NET1: variants seen among roughly 807,000 people sequenced by gnomAD.
NET1 encodes neuroepithelial cell-transforming gene 1 protein.
Under a neutral mutation model 61.1 loss-of-function variants are expected in NET1, and 42 were observed. That is an observed-to-expected ratio of 0.69 (90% CI 0.54 to 0.89). The LOEUF (loss-of-function observed/expected upper bound fraction) is 0.89. NET1 is among the 40% of genes least tolerant of loss of function. NET1 has a pLI of 0.00. For missense variants in NET1, 654 were observed against 747.3 expected (o/e 0.88, Z 1.46); for synonymous variants, 254 against 281.8 (o/e 0.90, Z 0.99).
At chr10:5,433,995 T>A in intron 3 of NET1, among the ~76,000 whole-genome samples, 1 of 152,174 alleles carries the variant, frequency 6.6e-6, no homozygotes, top group Admixed American at 6.5e-5. Flanking sequence ...TTTCTGAGTC[T>A]TATGTTTCTT....
Position 5,452,687 on chromosome 10 carries a change from A to G in NET1, c.531+162A>G. 1.1e-6 allele frequency: 1 copy of G among 915,920 alleles called. No individual in the cohort carries two copies. Among genetic ancestry groups the G allele is most frequent in the Non-Finnish European group, 1.6e-6 (1 of 609,674 alleles). The allele number at this position is 915,920 out of a possible 1,614,324, so 56.7% of individuals were successfully genotyped here. On this transcript the variant is annotated intron_variant, in intron 5 of 11. Transcript: ENST00000355029. This position sits in a 1 kb window ranked among gnomAD's most constrained non-coding sequence, Gnocchi z 4.0. Reference sequence around the variant, plus strand: ...AAATTAAACAACTCTAATAGGGTAAACTTACCAAACATACGGCAACCTTGT... The same window carrying G: ...AAATTAAACAACTCTAATAGGGTAAGCTTACCAAACATACGGCAACCTTGT...
At position 5,420,573 on chromosome 10, in the gene NET1, G is replaced by T. The variant is rs1340986864; in HGVS notation, c.129-6082G>T. The stretch of plus-strand genomic sequence containing the variant: ...CTCACCTCCCAGTTCTGGGTAGTAG[G>T]CAAAGGTCTTTCTTTTTTATTTTAT... On this transcript the variant is annotated intron_variant, in intron 1 of 11. Transcript: ENST00000355029. The surrounding 1 kb of genome is among the most constrained non-coding windows in gnomAD (Gnocchi z 5.3). Among the ~76,000 whole-genome samples the T allele has an allele frequency of 6.6e-6, 1 of 152,026 alleles. No homozygotes were observed. The highest frequency in any genetic ancestry group is 1.5e-5 in the Non-Finnish European group (1 of 67,954).
At chr10:5,445,065 T>C (rs895842221) in intron 3 of NET1, among the ~76,000 whole-genome samples, 3 of 152,374 alleles carry the variant, frequency 2.0e-5, no homozygotes, top group Admixed American at 1.3e-4. Context: ...TTTTCAGTCA[T>C]CTTTCAACCA....
intron 3 of NET1, among the ~76,000 whole-genome samples, chr10:5,430,875 CTTT>C (rs71294427): frequency 5.4e-4 from 75 of 137,678 alleles, no homozygotes; most frequent in Middle Eastern, 3.8e-3. Context: ...AACTATATCT[CTTT>C]TTTTTTTTTT....
chr10:5,434,288 C>A lies in NET1; in HGVS notation c.255+5059C>A, dbSNP rs542854800. On this transcript the variant is annotated intron_variant, in intron 3 of 11. Coordinates refer to ENST00000355029, the MANE Select transcript of NET1 (RefSeq NM_001047160.3). Reference sequence around the variant, plus strand: ...TGCTCCCTTTCTCTTTTATCTGGAACTTTTCTTGTCTTTGCTTCTGTTGCC... The same window carrying A: ...TGCTCCCTTTCTCTTTTATCTGGAAATTTTCTTGTCTTTGCTTCTGTTGCC... Among the ~76,000 whole-genome samples, 9 of 152,288 alleles carry A rather than the reference C, an allele frequency of 5.9e-5. No homozygotes were observed. In the East Asian group the frequency reaches 9.6e-4, roughly 16 times the overall value.
Position 5,426,771 on chromosome 10 carries a change from C to G in NET1, c.195+50C>G, listed in dbSNP as rs898199406. The G allele has an allele frequency of 7.5e-7, 1 of 1,333,608 alleles. No individual in the cohort carries two copies. The highest frequency in any genetic ancestry group is 2.1e-5 in the Admixed American group (1 of 46,708). 82.6% of individuals were successfully genotyped at this position (1,333,608 alleles called of 1,614,324 possible). A position where few individuals can be genotyped will look rare whatever the true frequency, so the allele number is the denominator to read the frequency against. ...TTCGAGACATTAGATAGAATTAATTCCCTGGTTTCTTTCAGTCTGTTACAC... is the reference window on the plus strand; with the variant it reads ...TTCGAGACATTAGATAGAATTAATTGCCTGGTTTCTTTCAGTCTGTTACAC... On this transcript the variant is annotated intron_variant, in intron 2 of 11. Transcript: ENST00000355029. This position sits in a 1 kb window ranked among gnomAD's most constrained non-coding sequence, Gnocchi z 4.6.
Position 5,452,222 on chromosome 10 carries a change from T to G in NET1, c.364-136T>G, listed in dbSNP as rs1832715972. 8.1e-6 allele frequency: 7 copies of G among 863,380 alleles called. No homozygotes were observed. Among genetic ancestry groups the G allele is most frequent in the Non-Finnish European group, 1.2e-5 (7 of 602,402 alleles). The allele number at this position is 863,380 out of a possible 1,614,324, so 53.5% of individuals were successfully genotyped here. Reference sequence around the variant, plus strand: ...ATATTTAAGATTGGTAGGTGGAAACTTGGATAAATTATTGTTTTCTGCATT... The same window carrying G: ...ATATTTAAGATTGGTAGGTGGAAACGTGGATAAATTATTGTTTTCTGCATT... On this transcript the variant is annotated intron_variant, in intron 4 of 11. Transcript: ENST00000355029. The surrounding 1 kb of genome is among the most constrained non-coding windows in gnomAD (Gnocchi z 4.0).
Position 5,423,705 on chromosome 10 carries a change from A to G in NET1, c.129-2950A>G, listed in dbSNP as rs1249397885. Among the ~76,000 whole-genome samples, 2 of 152,156 alleles carry G rather than the reference A, an allele frequency of 1.3e-5. No homozygotes were observed. Among genetic ancestry groups the G allele is most frequent in the Admixed American group, 6.5e-5 (1 of 15,282 alleles). On this transcript the variant is annotated intron_variant, in intron 1 of 11. Coordinates refer to ENST00000355029, the MANE Select transcript of NET1 (RefSeq NM_001047160.3). This position sits in a 1 kb window ranked among gnomAD's most constrained non-coding sequence, Gnocchi z 4.4. ...TCCTTTTTAGGAGGTTATTCTGTGT[A>G]TCCTCTGGAAAAATAACTTGCAATC...
chr10:5,454,149 C>T lies in NET1; in HGVS notation c.769-116C>T. 9.3e-7 allele frequency: 1 copy of T among 1,072,914 alleles called. No homozygotes were observed. Among genetic ancestry groups the T allele is most frequent in the South Asian group, 1.6e-5 (1 of 63,136 alleles). 66.5% of individuals were successfully genotyped at this position (1,072,914 alleles called of 1,614,324 possible). ...ATTATTATCTGCCAGAAAATGTCCA[C>T]AGCTTGTTAAAACTCTCAAGAATAG... On this transcript the variant is annotated intron_variant, in intron 8 of 11. Transcript: ENST00000355029. This position sits in a 1 kb window ranked among gnomAD's most constrained non-coding sequence, Gnocchi z 8.1.
At chr10:5,432,225 T>A (rs1303519313) in intron 3 of NET1, among the ~76,000 whole-genome samples, 2 of 152,124 alleles carry the variant, frequency 1.3e-5, no homozygotes, top group East Asian at 3.8e-4. Context: ...AAATATAATT[T>A]TAGAAAAACA....
rs2119207193 is a variant in NET1, at chr10:5,449,012, G to T, written c.256-2818G>T. 6.6e-6 allele frequency among the ~76,000 whole-genome samples: 1 copy of T among 152,224 alleles called. No individual in the cohort carries two copies. Among genetic ancestry groups the T allele is most frequent in the South Asian group, 2.1e-4 (1 of 4,820 alleles). ...AACTACTTTTGGTTTCGGCTCACAT[G>T]GGCCAATTTCTGACGTGTATTCCGA... On this transcript the variant is annotated intron_variant, in intron 3 of 11. Coordinates refer to ENST00000355029, the MANE Select transcript of NET1 (RefSeq NM_001047160.3). This position sits in a 1 kb window ranked among gnomAD's most constrained non-coding sequence, Gnocchi z 4.4.
At chr10:5,442,877 T>TAA (rs11377037) in intron 3 of NET1, among the ~76,000 whole-genome samples, 289 of 141,588 alleles carry the variant, frequency 2.0e-3, no homozygotes, top group South Asian at 5.4e-3. Flanking sequence ...ACCCTGTCTT[T>TAA]AAAAAAAAAA....
Position 5,451,492 on chromosome 10 carries a change from TAAC to T in NET1, c.256-335_256-333del, listed in dbSNP as rs1832701464. On this transcript the variant is annotated intron_variant, in intron 3 of 11. Transcript: ENST00000355029. The surrounding 1 kb of genome is among the most constrained non-coding windows in gnomAD (Gnocchi z 6.1). ...TTTCATGTATGTTCGAAAATTTTCA[TAAC>T]AATAAGGCTTTTTTTTAAAAAAAAA... Among the ~76,000 whole-genome samples the T allele has an allele frequency of 7.5e-6, 1 of 133,160 alleles. No individual in the cohort carries two copies. The highest frequency in any genetic ancestry group is 1.6e-5 in the Non-Finnish European group (1 of 61,544). The allele number at this position is 133,160 out of a possible 152,430, so 87.4% of individuals were successfully genotyped here.
In NET1 at chr10:5,424,096, G is replaced by A. The variant is rs145870287; in HGVS notation, c.129-2559G>A. ...CCAAATGCATTCTGAGGTTAGTGTG[G>A]TCATTTCTAGGGAATAAAGAAATTA... On this transcript the variant is annotated intron_variant, in intron 1 of 11. Transcript: ENST00000355029. The surrounding 1 kb of genome is among the most constrained non-coding windows in gnomAD (Gnocchi z 6.1). 1.3e-5 allele frequency among the ~76,000 whole-genome samples: 2 copies of A among 152,226 alleles called. No individual in the cohort carries two copies. The highest frequency in any genetic ancestry group is 3.9e-4 in the East Asian group (2 of 5,182).
rs1832406440 is a variant in NET1, at chr10:5,435,016, CA to C, written c.255+5791del. Among the ~76,000 whole-genome samples the C allele has an allele frequency of 3.3e-5, 5 of 152,162 alleles. No individual in the cohort carries two copies. The South Asian group carries it at 1.0e-3, about 32-fold the overall frequency. On this transcript the variant is annotated intron_variant, in intron 3 of 11. Transcript: ENST00000355029. This position sits in a 1 kb window ranked among gnomAD's most constrained non-coding sequence, Gnocchi z 5.0. Reference sequence around the variant, plus strand: ...TGCTCAGTACAAATAGTGAATCAAACAAAAGGCTTGAAGTTCTGATGATCCC... The same window carrying C: ...TGCTCAGTACAAATAGTGAATCAAACAAAGGCTTGAAGTTCTGATGATCCC...
At position 5,453,132 on chromosome 10, in the gene NET1, G is replaced by A. The variant is rs1004833693; in HGVS notation, c.595-118G>A. On this transcript the variant is annotated intron_variant, in intron 6 of 11. Transcript: ENST00000355029. The surrounding 1 kb of genome is among the most constrained non-coding windows in gnomAD (Gnocchi z 4.9). ...ATTAATACATACTAATTTATTTTAT[G>A]TGTAGCAAACAGAATCCACGCTAGC... 1 of 754,982 alleles carries A rather than the reference G, an allele frequency of 1.3e-6. No individual in the cohort carries two copies. The allele number at this position is 754,982 out of a possible 1,614,324, so 46.8% of individuals were successfully genotyped here.
Position 5,454,393 on chromosome 10 carries a change from T to C in NET1, c.897T>C (p.Ser299=). ...FLQRCLESPF[S]RKLDLWSFLD... is the part of the protein sequence containing the mutation. ...AGCGATGTCTCGAGTCTCCCTTCAGTCGAAAACTAGATCTTTGGAGTTTCC... is the reference window on the plus strand; with the variant it reads ...AGCGATGTCTCGAGTCTCCCTTCAGCCGAAAACTAGATCTTTGGAGTTTCC... The change falls in exon 9 of 12, where the codon AGT becomes AGC. Residue 299 remains serine, a synonymous_variant. Transcript: ENST00000355029. This position sits in a 1 kb window ranked among gnomAD's most constrained non-coding sequence, Gnocchi z 8.1. 2 of 1,614,170 alleles carry C rather than the reference T, an allele frequency of 1.2e-6. No homozygotes were observed. The highest frequency in any genetic ancestry group is 1.7e-6 in the Non-Finnish European group (2 of 1,180,032).
Position 5,421,665 on chromosome 10 carries a change from A to G in NET1, c.129-4990A>G, listed in dbSNP as rs1832176004. 6.6e-6 allele frequency among the ~76,000 whole-genome samples: 1 copy of G among 152,250 alleles called. No individual in the cohort carries two copies. The highest frequency in any genetic ancestry group is 2.4e-5 in the African/African-American group (1 of 41,474). ...TAGTTTATTGAGATATGATTTGTAT[A>G]TCATAACATTCACCCTTTGTAGGTG... is the stretch of plus-strand genomic sequence containing the variant. On this transcript the variant is annotated intron_variant, in intron 1 of 11. Transcript: ENST00000355029. This position sits in a 1 kb window ranked among gnomAD's most constrained non-coding sequence, Gnocchi z 4.2.
rs563496974 is a variant in NET1 at position 5,444,450 on chromosome 10, C to T, written c.256-7380C>T. ...TATTCTTCTGTATTCACTCTTCAGC[C>T]CCTGTAATTTGCCTCTGTCTTTACT... On this transcript the variant is annotated intron_variant, in intron 3 of 11. Coordinates refer to ENST00000355029, the MANE Select transcript of NET1 (RefSeq NM_001047160.3). The surrounding 1 kb of genome is among the most constrained non-coding windows in gnomAD (Gnocchi z 5.3). Among the ~76,000 whole-genome samples the T allele has an allele frequency of 1.2e-3, 181 of 152,218 alleles. No individual in the cohort carries two copies. Among genetic ancestry groups the T allele is most frequent in the African/African-American group, 4.2e-3 (174 of 41,538 alleles).
Sources: allele counts gnomAD v4.1 joint callset (sites outside exome capture counted in the v4.1 genomes callset), GRCh38; gene constraint gnomAD v4.1.1; non-coding constraint Gnocchi (gnomAD v3.1); transcripts MANE v1.5; gene names NCBI Gene and HGNC (gene_info 2026-07-23, HGNC 2026-07-21).